CDK12: variants seen among roughly 807,000 people sequenced by gnomAD.
The protein encoded by CDK12 is cyclin dependent kinase 12.
In CDK12, 17 loss-of-function variants were observed where a neutral mutation model predicts 133.8. The ratio of observed to expected loss-of-function variants is 0.13; its 90% CI spans 0.09 to 0.19. The LOEUF is 0.19. Among genes scored for constraint, CDK12 ranks in the 10% least tolerant of loss-of-function variants. The pLI is 1.00. For synonymous variants in CDK12, 694 were observed against 683.6 expected (o/e 1.02, Z -0.24); for missense variants, 1,508 against 1,818.7 (o/e 0.83, Z 3.11).
intron 2 of CDK12, among the ~76,000 whole-genome samples, chr17:39,479,042 C>G (rs2050430045): frequency 6.6e-6 from 1 of 152,028 alleles, no homozygotes; most frequent in Non-Finnish European, 1.5e-5. Context: ...GGTGCGGTGG[C>G]TCACACCTGT....
At chr17:39,506,275 G>T (rs2053117361) in intron 6 of CDK12, among the ~76,000 whole-genome samples, 1 of 148,628 alleles carries the variant, frequency 6.7e-6, no homozygotes, top group Non-Finnish European at 1.5e-5. Flanking sequence ...GAATGTAGTG[G>T]CGCTATCTCG....
intron 1 of CDK12, 96 bp from the exon 2 acceptor site, chr17:39,470,783 A>T: frequency 9.5e-7 from 1 of 1,054,918 alleles, no homozygotes; most frequent in South Asian, 1.8e-5. Context: ...TTTACAATTG[A>T]TAAGTTACAG....
At chr17:39,542,946 G>A (rs2143848631), upstream of CDK12, among the ~76,000 whole-genome samples, 1 of 152,348 alleles carries the variant, frequency 6.6e-6, no homozygotes, top group Non-Finnish European at 1.5e-5. Flanking sequence ...AAACTTCAAA[G>A]AGCATTTTGC....
chr17:39,495,117 C>T (rs1286451328), intron 5 of CDK12, among the ~76,000 whole-genome samples: 3 of 151,848 alleles, frequency 2.0e-5, no homozygotes, highest in East Asian at 1.9e-4. Flanking sequence ...CTCGCACTGT[C>T]GCCCAGGCTG....
intron 2 of CDK12, among the ~76,000 whole-genome samples, chr17:39,475,703 G>GC (rs2050142410): frequency 6.6e-6 from 1 of 151,268 alleles, no homozygotes; most frequent in Admixed American, 6.6e-5. Context: ...CTGCCACCAC[G>GC]CCCAGCTAAT....
rs1304464034 is a variant in CDK12 at position 39,480,239 on chromosome 17, A to G, written c.1931+8476A>G. On this transcript the variant is annotated intron_variant, in intron 2 of 13. Coordinates refer to ENST00000447079, the MANE Select transcript of CDK12 (RefSeq NM_016507.4). ...TGTCCAGCCTAGAGGATTTAGTGTC[A>G]TTTTGGGAAAAGAATGAAACTTTAC... Among the ~76,000 whole-genome samples, 4 of 145,354 alleles carry G rather than the reference A, an allele frequency of 2.8e-5. No individual in the cohort carries two copies. In the East Asian group the frequency reaches 6.2e-4, roughly 23 times the overall value.
intron 2 of CDK12, among the ~76,000 whole-genome samples, chr17:39,475,458 G>A (rs1490372970): frequency 6.6e-6 from 1 of 151,854 alleles, no homozygotes; most frequent in African/African-American, 2.4e-5. Flanking sequence ...GTGTGAAAGA[G>A]ACCCTGTCTT....
At chr17:39,463,317 G>A (rs1271900428) in intron 1 of CDK12, among the ~76,000 whole-genome samples, 200 bp downstream of exon 1, 1 of 152,140 alleles carries the variant, frequency 6.6e-6, no homozygotes, top group East Asian at 1.9e-4. Flanking sequence ...GCCTCAAACC[G>A]CCAAAGGTAG....
intron 8 of CDK12, among the ~76,000 whole-genome samples, chr17:39,515,185 C>T (rs2053725221): frequency 6.6e-6 from 1 of 152,046 alleles, no homozygotes; most frequent in African/African-American, 2.4e-5. Context: ...GCACTCCAGC[C>T]TGGGTGACAG....
At chr17:39,515,150 T>C (rs1484917426) in intron 8 of CDK12, among the ~76,000 whole-genome samples, 2 of 152,142 alleles carry the variant, frequency 1.3e-5, no homozygotes, top group African/African-American at 2.4e-5. Context: ...AGGCAAAGGT[T>C]GCAGTGAGTG....
In CDK12 at chr17:39,471,068, A is replaced by T. The variant is rs1369310396; in HGVS notation, c.1236A>T (p.Ala412=). 1 of 1,613,452 alleles carries T rather than the reference A, an allele frequency of 6.2e-7. No individual in the cohort carries two copies. Among genetic ancestry groups the T allele is most frequent in the Admixed American group, 1.7e-5 (1 of 59,866 alleles). The part of the protein sequence containing the change: ...KKKERAAAAA[A]AKMDGKESKG... Reference sequence around the variant, plus strand: ...AGGAAAGAGCAGCTGCTGCTGCTGCAGCAAAGATGGATGGAAAGGAGTCCA... The same window carrying T: ...AGGAAAGAGCAGCTGCTGCTGCTGCTGCAAAGATGGATGGAAAGGAGTCCA... Residue 412 remains alanine, a synonymous_variant, in exon 2 of 14, where the codon GCA becomes GCT. Transcript: ENST00000447079.
At chr17:39,510,148 C>T (rs1390964848) in intron 7 of CDK12, among the ~76,000 whole-genome samples, 1 of 131,864 alleles carries the variant, frequency 7.6e-6, no homozygotes, top group South Asian at 2.4e-4. Context: ...AAGACGGAGT[C>T]TCAATCTGTC....
chr17:39,501,319 A>G lies in CDK12; in HGVS notation c.2489A>G (p.His830Arg). The G allele has an allele frequency of 6.2e-7, 1 of 1,613,500 alleles. No homozygotes were observed. The highest frequency in any genetic ancestry group is 1.1e-5 in the South Asian group (1 of 91,050). Residue 830 changes from histidine to arginine, a missense_variant, in exon 6 of 14, where the codon CAC becomes CGC. Coordinates refer to ENST00000447079, the MANE Select transcript of CDK12 (RefSeq NM_016507.4). ...GGACTGCTAGAATCTGGTTTGGTGC[A>G]CTTTTCTGAGGACCATATCAAGTCG... ...LMGLLESGLV[H>R]FSEDHIKSFM...
chr17:39,486,637 T>G (rs1182960417), intron 2 of CDK12, among the ~76,000 whole-genome samples: 1 of 152,134 alleles, frequency 6.6e-6, no homozygotes, highest in Admixed American at 6.6e-5. Flanking sequence ...AATTGAGATT[T>G]GTAAAGAATA....
chr17:39,509,798 G>GTTTGT (rs755273295), intron 7 of CDK12, 37 bp downstream of exon 7: 3 of 1,502,452 alleles, frequency 2.0e-6, no homozygotes, highest in Non-Finnish European at 2.8e-6. Context: ...GGGAAATAAG[G>GTTTGT]TTTGTTTTGT....
intron 8 of CDK12, among the ~76,000 whole-genome samples, chr17:39,514,085 G>A (rs2053650320): frequency 6.6e-6 from 1 of 151,670 alleles, no homozygotes; most frequent in South Asian, 2.1e-4. Context: ...TTATAGAGTT[G>A]GGATCTCACT....
intron 3 of CDK12, among the ~76,000 whole-genome samples, chr17:39,560,539 C>T (rs796874599): frequency 3.1e-4 from 47 of 152,312 alleles, no homozygotes; most frequent in African/African-American, 1.1e-3. Flanking sequence ...GCCTGGAATC[C>T]AAGATAATAA....
Position 39,530,709 on chromosome 17 carries a change from C to A in CDK12, c.3866C>A (p.Ala1289Asp). Reference protein sequence around the residue: ...PPLVEGDLSSAPQELNPAVTA... With the variant: ...PPLVEGDLSSDPQELNPAVTA... ...CTGGTTGAAGGCGATCTTTCCAGCG[C>A]CCCCCAGGAGTTGAACCCAGCCGTG... is the stretch of plus-strand genomic sequence containing the variant. Residue 1289 changes from alanine (A) to aspartate (D), a missense_variant, in exon 14 of 14, where the codon GCC becomes GAC. Around this residue, in one of 9 missense-constraint regions of CDK12, gnomAD observed 399 missense variants for 469.6 expected, o/e 0.85. Coordinates refer to ENST00000447079, the MANE Select transcript of CDK12 (RefSeq NM_016507.4). The A allele has an allele frequency of 6.2e-7, 1 of 1,613,880 alleles. No homozygotes were observed. Among genetic ancestry groups the A allele is most frequent in the Non-Finnish European group, 8.5e-7 (1 of 1,179,930 alleles).
At chr17:39,505,299 G>A (rs2053035454) in intron 6 of CDK12, among the ~76,000 whole-genome samples, 2 of 151,294 alleles carry the variant, frequency 1.3e-5, no homozygotes, top group South Asian at 2.1e-4. Context: ...GGCCAAGGCG[G>A]GCAGATCACG....
Sources: gnomAD v4.1 joint callset for allele counts (sites outside exome capture counted in the v4.1 genomes callset) on GRCh38, gnomAD v4.1.1 for gene constraint, gnomAD v4.1.1 regional missense constraint, MANE v1.5 for transcripts, NCBI Gene and HGNC (gene_info 2026-07-23, HGNC 2026-07-21) for gene names.